The following NINJ2 variants were observed in gnomAD, a reference collection of about 807,000 sequenced individuals.
NINJ2 encodes ninjurin 2, also known as ninjurin-2.
A neutral mutation model predicts 11.7 loss-of-function variants in NINJ2; 12 were observed. That is an observed-to-expected ratio of 1.02 (90% CI 0.66 to 1.66). NINJ2 has a LOEUF of 1.66. NINJ2 is among the 40% of genes most tolerant of loss of function. The probability of loss-of-function intolerance (pLI) is 0.00; values close to 1 mark genes in which losing one functional copy is unlikely to be tolerated. For synonymous variants in NINJ2, 93 were observed against 76.8 expected (o/e 1.21, Z -1.10); for missense variants, 187 against 181.8 (o/e 1.03, Z -0.16).
intron 2 of NINJ2, 23 bp from the exon 3 acceptor site, chr12:565,424 G>T: frequency 1.2e-6 from 2 of 1,610,794 alleles, no homozygotes; most frequent in Non-Finnish European, 1.7e-6. Context: ...GGAGTGGGGG[G>T]AAAGGGTCAG....
chr12:588,222 G>A lies in NINJ2; in HGVS notation c.34-22044C>T, dbSNP rs779816354. ...AGGGGACGGAAGGGACGGAGGGGAC[G>A]GAAGGGACAGAAGGGAGGGAAGGGA... On this transcript the variant is annotated intron_variant, in intron 1 of 3. Coordinates refer to ENST00000305108, the MANE Select transcript of NINJ2 (RefSeq NM_016533.6). Among the ~76,000 whole-genome samples, 8 of 150,692 alleles carry A rather than the reference G, an allele frequency of 5.3e-5. No homozygotes were observed. The South Asian group carries it at 6.2e-4, about 12-fold the overall frequency.
intron 1 of NINJ2, among the ~76,000 whole-genome samples, chr12:609,344 G>A (rs1273286289): frequency 7.0e-6 from 1 of 143,612 alleles, no homozygotes; most frequent in South Asian, 2.1e-4. Context: ...ACGGCGCCAC[G>A]CTAGGTGCTG....
chr12:569,669 G>T (rs1395094514), intron 1 of NINJ2, among the ~76,000 whole-genome samples: 1 of 152,220 alleles, frequency 6.6e-6, no homozygotes. Flanking sequence ...GGTGGCAGGG[G>T]TGAGTACACG....
chr12:655,679 G>A (rs2120538448), intron 1 of NINJ2, among the ~76,000 whole-genome samples: 1 of 152,314 alleles, frequency 6.6e-6, no homozygotes. Context: ...TTGGGAGGCT[G>A]AGGCGGGTGG....
Position 591,507 on chromosome 12 carries a change from T to G in NINJ2, c.34-25329A>C, listed in dbSNP as rs1025438234. Among the ~76,000 whole-genome samples, 2 of 152,274 alleles carry G rather than the reference T, an allele frequency of 1.3e-5. No homozygotes were observed. Among genetic ancestry groups the G allele is most frequent in the Non-Finnish European group, 2.9e-5 (2 of 68,014 alleles). On this transcript the variant is annotated intron_variant, in intron 1 of 3. Transcript: ENST00000305108. This position sits in a 1 kb window ranked among gnomAD's most constrained non-coding sequence, Gnocchi z 5.0. Reference sequence around the variant, plus strand: ...CAGGACTGAGTGCTGATTCACCTACTAGGTTGGTCAGAGGGTTGGGGGCAA... The same window carrying G: ...CAGGACTGAGTGCTGATTCACCTACGAGGTTGGTCAGAGGGTTGGGGGCAA...
At chr12:568,047 T>C (rs1338831347) in intron 1 of NINJ2, among the ~76,000 whole-genome samples, 1 of 152,150 alleles carries the variant, frequency 6.6e-6, no homozygotes, top group Non-Finnish European at 1.5e-5. Context: ...TGCAGTAGTC[T>C]CCAGACTTTC....
At position 622,409 on chromosome 12, in the gene NINJ2, CAAAAAA is replaced by C. The variant is rs1169331783; in HGVS notation, c.33+40913_33+40918del. ...TGGGTGACAGAGTGAGACTCCGTCT[CAAAAAA>C]AAAAAAAAAAAAAAAAAAAGGAAAG... On this transcript the variant is annotated intron_variant, in intron 1 of 3. Transcript: ENST00000305108. 1.5e-4 allele frequency among the ~76,000 whole-genome samples: 7 copies of C among 47,430 alleles called. No individual in the cohort carries two copies. The East Asian group carries it at 4.4e-3, about 30-fold the overall frequency. The allele number at this position is 47,430 out of a possible 152,430, so 31.1% of individuals were successfully genotyped here. A position where few individuals can be genotyped will look rare whatever the true frequency, so the allele number is the denominator to read the frequency against.
In NINJ2 at chr12:614,829, C is replaced by T. The variant is rs1016766982; in HGVS notation, c.33+48499G>A. On this transcript the variant is annotated intron_variant, in intron 1 of 3. Coordinates refer to ENST00000305108, the MANE Select transcript of NINJ2 (RefSeq NM_016533.6). This position sits in a 1 kb window ranked among gnomAD's most constrained non-coding sequence, Gnocchi z 5.1. ...GCCTAGGGGCAAGACCATGTCTTCA[C>T]ACGTCGGGCAGCGTGCATTGTCAGC... Among the ~76,000 whole-genome samples, 8 of 152,096 alleles carry T rather than the reference C, an allele frequency of 5.3e-5. No homozygotes were observed. The highest frequency in any genetic ancestry group is 1.3e-4 in the Admixed American group (2 of 15,276).
intron 1 of NINJ2, among the ~76,000 whole-genome samples, chr12:570,180 G>A (rs768575968): frequency 3.3e-5 from 5 of 152,224 alleles, no homozygotes; most frequent in Non-Finnish European, 5.9e-5. Flanking sequence ...AGAAGGGAGG[G>A]GCCTCCAGCA....
chr12:570,975 A>C (rs1028111494), intron 1 of NINJ2, among the ~76,000 whole-genome samples: 2 of 152,194 alleles, frequency 1.3e-5, no homozygotes, highest in Non-Finnish European at 2.9e-5. Flanking sequence ...AAGGAAGGAC[A>C]GAATCCAAGC....
intron 1 of NINJ2, among the ~76,000 whole-genome samples, chr12:613,791 G>T (rs981754396): frequency 6.6e-6 from 1 of 152,064 alleles, no homozygotes; most frequent in African/African-American, 2.4e-5. Flanking sequence ...TGTAGTCCCA[G>T]CTACTCAGGA....
At chr12:587,222 G>A (rs1947651519) in intron 1 of NINJ2, among the ~76,000 whole-genome samples, 1 of 152,190 alleles carries the variant, frequency 6.6e-6, no homozygotes, top group African/African-American at 2.4e-5. Flanking sequence ...GCAAGAGTCA[G>A]CTCACCAGGA....
intron 1 of NINJ2, among the ~76,000 whole-genome samples, chr12:608,505 ATAAATGAGACAT>A (rs748350359): frequency 1.4e-4 from 21 of 152,256 alleles, no homozygotes; most frequent in Non-Finnish European, 2.5e-4. Flanking sequence ...AAGCTGAGAC[ATAAATGAGACAT>A]TAAATGAGAT....
intron 1 of NINJ2, among the ~76,000 whole-genome samples, chr12:584,989 G>A (rs866507692): frequency 4.2e-4 from 64 of 152,106 alleles, no homozygotes; most frequent in Middle Eastern, 6.8e-3. Context: ...CGTGGTGGCG[G>A]GCCCCTGTAG....
chr12:639,065 C>T (rs1453880158), intron 1 of NINJ2, among the ~76,000 whole-genome samples: 2 of 151,980 alleles, frequency 1.3e-5, no homozygotes, highest in Non-Finnish European at 2.9e-5. Flanking sequence ...AGTACAAAAC[C>T]CTCTATGTAG....
chr12:577,448 T>TATACATATATATATGTGTA, intron 1 of NINJ2, among the ~76,000 whole-genome samples: 9 of 141,924 alleles, frequency 6.3e-5, no homozygotes, highest in African/African-American at 1.3e-4. Context: ...TATATAAATA[T>TATACATATATATATGTGTA]TTTGGCACGA....
chr12:567,241 A>C (rs1443249487), intron 1 of NINJ2, among the ~76,000 whole-genome samples: 1 of 151,412 alleles, frequency 6.6e-6, no homozygotes, highest in Non-Finnish European at 1.5e-5. Context: ...GGAGAGACGG[A>C]TGGATTGAAG....
At chr12:661,941 G>A (rs1444909660) in intron 1 of NINJ2, among the ~76,000 whole-genome samples, 1 of 152,218 alleles carries the variant, frequency 6.6e-6, no homozygotes, top group East Asian at 1.9e-4. Flanking sequence ...AACAGGAGAG[G>A]CCCTGCCCTC....
chr12:623,756 G>C (rs994031952), intron 1 of NINJ2, among the ~76,000 whole-genome samples: 1 of 152,206 alleles, frequency 6.6e-6, no homozygotes, highest in Admixed American at 6.5e-5. Context: ...GAGTGAGGCT[G>C]GGCATGGTGG....
Sources: gnomAD v4.1 joint callset for allele counts (sites outside exome capture counted in the v4.1 genomes callset) on GRCh38, gnomAD v4.1.1 for gene constraint, Gnocchi (gnomAD v3.1) non-coding constraint, MANE v1.5 for transcripts, NCBI Gene and HGNC (gene_info 2026-07-23, HGNC 2026-07-21) for gene names.